The following EML2 variants were observed in gnomAD, a reference collection of about 807,000 sequenced individuals.
EML2 encodes echinoderm microtubule-associated protein-like 2.
In EML2, 59 loss-of-function variants were observed where a neutral mutation model predicts 84.7. The ratio of observed to expected loss-of-function variants is 0.70; its 90% CI spans 0.56 to 0.86. EML2 has a LOEUF of 0.86. Among genes scored for constraint, EML2 ranks in the 40% least tolerant of loss-of-function variants. The pLI is 0.00. For missense variants in EML2, 818 were observed against 855.6 expected, an observed-to-expected ratio of 0.96 and a Z score of 0.55; for synonymous variants, 352 against 348.9, an observed-to-expected ratio of 1.01 and a Z score of -0.10.
chr19:45,641,421 A>C (rs1974485038), upstream of EML2: 2 of 552,540 alleles, frequency 3.6e-6, no homozygotes, highest in Admixed American at 6.4e-5. Flanking sequence ...AGCTTCTAAA[A>C]ACTCTGGCCA....
intron 4 of EML2, among the ~76,000 whole-genome samples, chr19:45,633,851 C>T (rs1973382466): frequency 6.6e-6 from 1 of 152,230 alleles, no homozygotes; most frequent in African/African-American, 2.4e-5. Flanking sequence ...CTTCAGCGAT[C>T]CTTCCGCCTT....
intron 12 of EML2, 106 bp downstream of exon 12, chr19:45,618,950 GAAAA>G (rs377335551): frequency 1.1e-5 from 11 of 992,032 alleles, no homozygotes; most frequent in South Asian, 2.8e-5. Context: ...CCACCTCGAA[GAAAA>G]AAAAAAAAAG....
At chr19:45,629,336 T>C (rs1377485803) in intron 7 of EML2, among the ~76,000 whole-genome samples, 1 of 151,634 alleles carries the variant, frequency 6.6e-6, no homozygotes, top group East Asian at 1.9e-4. Context: ...TTTTGTTTTT[T>C]GTTTTTGAGA....
At chr19:45,628,831 G>GTAA (rs71173188) in intron 7 of EML2, 6,168 of 142,762 alleles carry the variant, frequency 0.043, 158 homozygotes, top group South Asian at 0.066. Context: ...CTCAAAGTAA[G>GTAA]TAAGTAAGTA....
chr19:45,614,710 A>C lies in EML2; in HGVS notation c.1598-10T>G. On this transcript the variant is annotated splice_polypyrimidine_tract_variant and intron_variant, in intron 16 of 18. Coordinates refer to ENST00000245925, the MANE Select transcript of EML2 (RefSeq NM_012155.4). Reference sequence around the variant, plus strand: ...CAGGTAGCCGGGTCCCCTGGGGCAGAAAATGGGAGGAGACATTCAGAGTTG... The same window carrying C: ...CAGGTAGCCGGGTCCCCTGGGGCAGCAAATGGGAGGAGACATTCAGAGTTG... 1 of 1,610,888 alleles carries C rather than the reference A, an allele frequency of 6.2e-7. No individual in the cohort carries two copies. The highest frequency in any genetic ancestry group is 8.5e-7 in the Non-Finnish European group (1 of 1,177,114).
At chr19:45,643,842 T>C (rs1600257660), upstream of EML2, 1 of 1,298,130 alleles carries the variant, frequency 7.7e-7, no homozygotes, top group African/African-American at 1.5e-5. Flanking sequence ...CAGAGGGAGG[T>C]GGGAGCCTCC....
chr19:45,616,823 G>A lies in EML2; in HGVS notation c.1353C>T (p.Asp451=), dbSNP rs140846826. ...TGCCGTCTGTGTGGATAGCCACCAGGTCATGGGTCTCCGTGTCCAGCAGCA... is the reference window on the plus strand; with the variant it reads ...TGCCGTCTGTGTGGATAGCCACCAGATCATGGGTCTCCGTGTCCAGCAGCA... ...RWLLLDTETH[D]LVAIHTDGNE... is the part of the protein sequence containing the mutation. Residue 451 remains aspartate, a synonymous_variant, in exon 14 of 19, where the codon GAC becomes GAT. Coordinates refer to ENST00000245925, the MANE Select transcript of EML2 (RefSeq NM_012155.4). The A allele has an allele frequency of 5.0e-6, 8 of 1,613,462 alleles. No homozygotes were observed. The South Asian group carries it at 8.8e-5, about 18-fold the overall frequency.
chr19:45,609,576 A>C lies in EML2; in HGVS notation c.*87T>G. ...CCATAACCCCCTCTGCTATAGACAT[A>C]CTCTGGGTATATATTACTCTACTCG... On this transcript the variant is annotated 3_prime_UTR_variant, in exon 19 of 19. Transcript: ENST00000245925. The C allele has an allele frequency of 7.0e-7, 1 of 1,425,180 alleles. No individual in the cohort carries two copies. The highest frequency in any genetic ancestry group is 9.3e-7 in the Non-Finnish European group (1 of 1,077,104). 88.3% of individuals were successfully genotyped at this position (1,425,180 alleles called of 1,614,324 possible). A position where few individuals can be genotyped will look rare whatever the true frequency, so the allele number is the denominator to read the frequency against.
chr19:45,614,693 C>T lies in EML2; in HGVS notation c.1605G>A (p.Pro535=), dbSNP rs201278347. The change falls in exon 17 of 19, where the codon CCG becomes CCA. Residue 535 remains proline, a synonymous_variant. Transcript: ENST00000245925. ...SGDYEILYWD[P]ATCKQITSAD... ...CACTGGTGATCTGCTTACAGGTAGC[C>T]GGGTCCCCTGGGGCAGAAAATGGGA... 366 of 1,613,816 alleles carry T rather than the reference C, an allele frequency of 2.3e-4. No homozygotes were observed. The highest frequency in any genetic ancestry group is 2.8e-4 in the Non-Finnish European group (334 of 1,179,794).
At chr19:45,641,896 G>C (rs549506794), upstream of EML2, 955 of 1,454,692 alleles carry the variant, frequency 6.6e-4, 14 homozygotes, top group South Asian at 0.01. Context: ...AAGAGGCTGG[G>C]GGTCCCGGCC....
At chr19:45,630,832 A>G (rs1037859916) in intron 6 of EML2, among the ~76,000 whole-genome samples, 1 of 152,186 alleles carries the variant, frequency 6.6e-6, no homozygotes, top group Non-Finnish European at 1.5e-5. Context: ...AGTTGGTATT[A>G]TGTTGGGTTT....
chr19:45,626,736 C>A lies in EML2; in HGVS notation c.710G>T (p.Gly237Val), dbSNP rs149378245. Residue 237 changes from glycine to valine, a missense_variant, in exon 8 of 19, where the codon GGC (glycine) becomes GTC (valine). By Grantham distance (109) the Gly-to-Val change is moderately radical. Coordinates refer to ENST00000245925, the MANE Select transcript of EML2 (RefSeq NM_012155.4). Reference sequence around the variant, plus strand: ...GAGGCCTTGCCGCTTGCTCAAGCTGCCCCCCTCCAAGGTCCAGAAGTAGAT... The same window carrying A: ...GAGGCCTTGCCGCTTGCTCAAGCTGACCCCCTCCAAGGTCCAGAAGTAGAT... ...SHIYFWTLEG[G>V]SLSKRQGLFE... The A allele has an allele frequency of 6.2e-7, 1 of 1,613,574 alleles. No individual in the cohort carries two copies. The highest frequency in any genetic ancestry group is 1.1e-5 in the South Asian group (1 of 91,008).
intron 17 of EML2, 100 bp from the exon 18 acceptor site, chr19:45,613,771 T>A: frequency 7.0e-7 from 1 of 1,430,778 alleles, no homozygotes; most frequent in Non-Finnish European, 9.5e-7. Flanking sequence ...TGTTCCGACC[T>A]AGCCTGTATC....
chr19:45,616,023 C>G, intron 15 of EML2, 134 bp from the exon 16 acceptor site: 1 of 699,824 alleles, frequency 1.4e-6, no homozygotes, highest in Admixed American at 2.1e-5. Context: ...AGGAAGGATA[C>G]ACAGGCCTTT....
upstream of EML2, chr19:45,643,738 C>A: frequency 1.3e-6 from 2 of 1,524,646 alleles, no homozygotes; most frequent in Non-Finnish European, 1.8e-6. Context: ...GCAGCCGCCG[C>A]TCCTCCCTCC....
intron 2 of EML2, 90 bp downstream of exon 2, chr19:45,638,755 A>T: frequency 1.3e-6 from 2 of 1,593,584 alleles, no homozygotes; most frequent in Non-Finnish European, 1.7e-6. Flanking sequence ...AGAGGCAAAG[A>T]CCCAGTAGCC....
Position 45,614,626 on chromosome 19 carries a change from C to T in EML2, c.1672G>A (p.Val558Ile), listed in dbSNP as rs1325847308. 1.4e-5 allele frequency: 22 copies of T among 1,613,946 alleles called. No individual in the cohort carries two copies. Among genetic ancestry groups the T allele is most frequent in the Non-Finnish European group, 1.9e-5 (22 of 1,179,952 alleles). ...RNMEWATATC[V>I]LGFGVFGIWS... is the part of the protein sequence containing the mutation. ...TCACCAAACACCCCAAACCCTAGGACACAAGTAGCTGTGGCCCATTCCATG... is the reference window on the plus strand; with the variant it reads ...TCACCAAACACCCCAAACCCTAGGATACAAGTAGCTGTGGCCCATTCCATG... The change falls in exon 17 of 19, where the codon GTC becomes ATC. Residue 558 changes from valine (V) to isoleucine (I), a missense_variant. By Grantham distance (29) the Val-to-Ile change is conservative. Transcript: ENST00000245925.
At chr19:45,613,412 A>G (rs45507595) in intron 18 of EML2, 129 bp downstream of exon 18, 96,460 of 1,127,786 alleles carry the variant, frequency 0.086, 5,006 homozygotes, top group East Asian at 0.22. Context: ...GATCAAGACT[A>G]CTGTCCTCCT....
chr19:45,616,332 G>C, intron 15 of EML2, 129 bp downstream of exon 15: 1 of 681,594 alleles, frequency 1.5e-6, no homozygotes, highest in East Asian at 2.7e-5. Flanking sequence ...ACGTGGCCAA[G>C]ACTCCTTGCT....
Sources: gnomAD v4.1 joint callset for allele counts (sites outside exome capture counted in the v4.1 genomes callset) on GRCh38, gnomAD v4.1.1 for gene constraint, MANE v1.5 for transcripts, NCBI Gene and HGNC (gene_info 2026-07-23, HGNC 2026-07-21) for gene names.